NAT16: variants seen among roughly 807,000 people sequenced by gnomAD.
The protein encoded by NAT16 is N-acetyltransferase 16 (putative).
NAT16 carries 16 observed loss-of-function variants against 15.9 expected under a neutral mutation model. That is an observed-to-expected ratio of 1.01 (90% CI 0.68 to 1.53). The LOEUF is 1.53. Among genes scored for constraint, NAT16 ranks in the 40% most tolerant of loss-of-function variants. The pLI, the probability that NAT16 is intolerant of heterozygous loss-of-function variation, is 0.00. For missense variants in NAT16, 572 were observed against 508.4 expected, an observed-to-expected ratio of 1.13 and a Z score of -1.20; for synonymous variants, 260 against 241.9, an observed-to-expected ratio of 1.07 and a Z score of -0.69.
Position 101,171,885 on chromosome 7 carries a change from T to C in NAT16, c.*194A>G. The stretch of plus-strand genomic sequence containing the variant: ...CAGGTCAGGGAGTGGGCAATGGTGT[T>C]TGGGGGAGCTAGAGGCAAGATAGTA... On this transcript the variant is annotated 3_prime_UTR_variant, in exon 4 of 4. Coordinates refer to ENST00000300303, the MANE Select transcript of NAT16 (RefSeq NM_198571.3). 2 of 563,464 alleles carry C rather than the reference T, an allele frequency of 3.5e-6. No homozygotes were observed. Among genetic ancestry groups the C allele is most frequent in the South Asian group, 2.1e-5 (1 of 47,350 alleles). 34.9% of individuals were successfully genotyped at this position (563,464 alleles called of 1,614,324 possible).
Position 101,172,649 on chromosome 7 carries a change from G to A in NAT16, c.540C>T (p.Gly180=), listed in dbSNP as rs974759315. 2 of 1,506,158 alleles carry A rather than the reference G, an allele frequency of 1.3e-6. No individual in the cohort carries two copies. The highest frequency in any genetic ancestry group is 1.8e-6 in the Non-Finnish European group (2 of 1,137,314). The allele number at this position is 1,506,158 out of a possible 1,614,324, so 93.3% of individuals were successfully genotyped here. Residue 180 remains glycine, a splice_region_variant and synonymous_variant, in exon 4 of 4, where the codon GGC becomes GGT. Coordinates refer to ENST00000300303, the MANE Select transcript of NAT16 (RefSeq NM_198571.3). This position sits in a 1 kb window ranked among gnomAD's most constrained non-coding sequence, Gnocchi z 4.2. ...LKKYRLITKQ[G]ILLVRFNASA... ...ACGCGTTGAATCGGACCAAAAGGAT[G>A]CCCTGCGGGGGGCACGAGTGAGCGC...
chr7:101,175,728 G>C (rs1456604554), intron 1 of NAT16, among the ~76,000 whole-genome samples: 1 of 152,042 alleles, frequency 6.6e-6, no homozygotes, highest in Non-Finnish European at 1.5e-5. Context: ...TGGAGTTTAA[G>C]AACAGCCTGG....
chr7:101,176,276 C>A (rs1490707123), intron 1 of NAT16, among the ~76,000 whole-genome samples: 1 of 152,162 alleles, frequency 6.6e-6, no homozygotes, highest in Non-Finnish European at 1.5e-5. Context: ...GGGTAGATCA[C>A]CTGAGGTCAG....
Position 101,173,224 on chromosome 7 carries a change from TG to T in NAT16, c.537+71del, listed in dbSNP as rs1797376263. 3.0e-6 allele frequency: 4 copies of T among 1,350,346 alleles called. No homozygotes were observed. In the South Asian group the frequency reaches 3.6e-5, roughly 12 times the overall value. The allele number at this position is 1,350,346 out of a possible 1,614,324, so 83.6% of individuals were successfully genotyped here. On this transcript the variant is annotated intron_variant, in intron 3 of 3. Transcript: ENST00000300303. ...GAGAGAGAGCAAGCCCGTGTTCTGC[TG>T]GGGGTGGGGAGGGTCTCCCCATATG...
intron 2 of NAT16, chr7:101,173,740 T>C: frequency 1.8e-6 from 1 of 540,786 alleles, no homozygotes; most frequent in Non-Finnish European, 3.2e-6. Flanking sequence ...TTATTTATTT[T>C]AAATTTAGGA....
chr7:101,172,524 T>G lies in NAT16; in HGVS notation c.665A>C (p.Asp222Ala), dbSNP rs1797349917. ...PTEAVSEAGG[D>A]VARLLLSPSV... is the part of the protein sequence containing the mutation. ...GGGTGACAGCAGGAGGCGTGCCACG[T>G]CGCCGCCTGCCTCGGACACGGCCTC... Residue 222 changes from aspartate (D) to alanine (A), a missense_variant, in exon 4 of 4, where the codon GAC (aspartate) becomes GCC (alanine). Asp to Ala is a moderately radical substitution (Grantham distance 126). Transcript: ENST00000300303. The surrounding 1 kb of genome is among the most constrained non-coding windows in gnomAD (Gnocchi z 4.2). 1.9e-6 allele frequency: 3 copies of G among 1,576,924 alleles called. No individual in the cohort carries two copies. The highest frequency in any genetic ancestry group is 1.4e-5 in the African/African-American group (1 of 73,050).
At position 101,172,683 on chromosome 7, in the gene NAT16, G is replaced by C. The variant is rs1379937960; in HGVS notation, c.538-32C>G. 12 of 1,440,094 alleles carry C rather than the reference G, an allele frequency of 8.3e-6. No homozygotes were observed. The highest frequency in any genetic ancestry group is 1.4e-5 in the South Asian group (1 of 71,200). 89.2% of individuals were successfully genotyped at this position (1,440,094 alleles called of 1,614,324 possible). On this transcript the variant is annotated intron_variant, in intron 3 of 3. Coordinates refer to ENST00000300303, the MANE Select transcript of NAT16 (RefSeq NM_198571.3). This position sits in a 1 kb window ranked among gnomAD's most constrained non-coding sequence, Gnocchi z 4.2. ...GGGGCACGAGTGAGCGCGGGGAGGG[G>C]GGGCGCAGCAGGGCTGGCGAGCCCG...
At position 101,174,776 on chromosome 7, in the gene NAT16, G is replaced by T. The variant is rs141768939; in HGVS notation, c.32C>A (p.Thr11Asn). Reference protein sequence around the residue: MKLEASCGTATSEVPKPEKKT... With the variant: MKLEASCGTANSEVPKPEKKT... ...CTTTTCCGGCTTAGGGACCTCTGAG[G>T]TGGCTGTGCCACAGCTGGCTTCCAG... The change falls in exon 2 of 4, where the codon ACC (threonine) becomes AAC (asparagine). Residue 11 changes from threonine (T) to asparagine (N), a missense_variant. Physicochemically the swap from Thr to Asn is moderately conservative, Grantham distance 65. Coordinates refer to ENST00000300303, the MANE Select transcript of NAT16 (RefSeq NM_198571.3). 32 of 1,587,208 alleles carry T rather than the reference G, an allele frequency of 2.0e-5. No individual in the cohort carries two copies. The African/African-American group carries it at 4.2e-4, about 21-fold the overall frequency.
Position 101,172,102 on chromosome 7 carries a change from A to G in NAT16, c.1087T>C (p.Tyr363His). The change falls in exon 4 of 4, where the codon TAC becomes CAC. Residue 363 changes from tyrosine (Y) to histidine (H), a missense_variant. Coordinates refer to ENST00000300303, the MANE Select transcript of NAT16 (RefSeq NM_198571.3). This position sits in a 1 kb window ranked among gnomAD's most constrained non-coding sequence, Gnocchi z 4.2. ...CCTCAGATGTCGGCCTCCAGCAGGT[A>G]CTGTTCAGTATAACCCTTCACCAGC... is the stretch of plus-strand genomic sequence containing the variant. ...LELVKGYTEQYLLEADI is the reference protein window; with the variant it reads ...LELVKGYTEQHLLEADI 1 of 1,613,324 alleles carries G rather than the reference A, an allele frequency of 6.2e-7. No individual in the cohort carries two copies. The highest frequency in any genetic ancestry group is 8.5e-7 in the Non-Finnish European group (1 of 1,179,460).
intron 2 of NAT16, chr7:101,174,263 CA>C: frequency 1.8e-6 from 1 of 551,562 alleles, no homozygotes; most frequent in South Asian, 2.9e-5. Context: ...CTCGAACTTT[CA>C]AACGCTCACC....
chr7:101,174,971 T>C (rs1203568288), intron 1 of NAT16, among the ~76,000 whole-genome samples, 160 bp from the exon 2 acceptor site: 1 of 152,244 alleles, frequency 6.6e-6, no homozygotes, highest in African/African-American at 2.4e-5. Flanking sequence ...TATTTATTTT[T>C]TGAGACGGAG....
Position 101,172,466 on chromosome 7 carries a change from G to A in NAT16, c.723C>T (p.Thr241=), listed in dbSNP as rs1465374745. ...GGTAGGGCTGCCAGTCCTGGATGAT[G>A]GTCCCGCCTGGAAGCACGTCGCGCT... is the stretch of plus-strand genomic sequence containing the variant. The part of the protein sequence containing the change: ...SVQRDVLPGG[T]IIQDWQPYRP... The change falls in exon 4 of 4, where the codon ACC becomes ACT. Residue 241 remains threonine (T), a synonymous_variant. Transcript: ENST00000300303. This position sits in a 1 kb window ranked among gnomAD's most constrained non-coding sequence, Gnocchi z 4.2. 3.1e-6 allele frequency: 5 copies of A among 1,600,496 alleles called. No homozygotes were observed. Among genetic ancestry groups the A allele is most frequent in the South Asian group, 1.1e-5 (1 of 90,040 alleles).
At chr7:101,174,203 C>A (rs740106) in intron 2 of NAT16, 1 of 503,644 alleles carries the variant, frequency 2.0e-6, no homozygotes, top group African/African-American at 2.0e-5. Flanking sequence ...CCTCTCTCTC[C>A]TGCTCCCCAC....
chr7:101,173,251 C>T lies in NAT16; in HGVS notation c.537+45G>A, dbSNP rs774672987. ...GGGGTGGGGAGGGTCTCCCCATATGCCCCAGCAGAGAGGCCCAGCCATCCG... is the reference window on the plus strand; with the variant it reads ...GGGGTGGGGAGGGTCTCCCCATATGTCCCAGCAGAGAGGCCCAGCCATCCG... On this transcript the variant is annotated intron_variant, in intron 3 of 3. Transcript: ENST00000300303. 3.2e-6 allele frequency: 5 copies of T among 1,541,086 alleles called. No individual in the cohort carries two copies. In the South Asian group the frequency reaches 4.5e-5, roughly 14 times the overall value.
chr7:101,172,395 T>C lies in NAT16; in HGVS notation c.794A>G (p.Glu265Gly). 2 of 1,574,076 alleles carry C rather than the reference T, an allele frequency of 1.3e-6. No individual in the cohort carries two copies. Among genetic ancestry groups the C allele is most frequent in the Non-Finnish European group, 8.6e-7 (1 of 1,162,636 alleles). The stretch of plus-strand genomic sequence containing the variant: ...GCGCGCGCGGCTGTCCACGCGCCAC[T>C]CCAGGCCCTTGGCCGCCAGCAGGCG... ...NLRLLAAKGLEWRVDSRARPR... is the reference protein window; with the variant it reads ...NLRLLAAKGLGWRVDSRARPR... The change falls in exon 4 of 4, where the codon GAG becomes GGG. Residue 265 changes from glutamate (E) to glycine (G), a missense_variant. Glu to Gly is a moderately conservative substitution (Grantham distance 98). Transcript: ENST00000300303. This position sits in a 1 kb window ranked among gnomAD's most constrained non-coding sequence, Gnocchi z 4.2.
Position 101,172,798 on chromosome 7 carries a change from G to A in NAT16, c.538-147C>T. The A allele has an allele frequency of 1.5e-6, 1 of 648,930 alleles. No individual in the cohort carries two copies. Among genetic ancestry groups the A allele is most frequent in the Non-Finnish European group, 2.5e-6 (1 of 400,618 alleles). The allele number at this position is 648,930 out of a possible 1,614,324, so 40.2% of individuals were successfully genotyped here. On this transcript the variant is annotated intron_variant, in intron 3 of 3. Coordinates refer to ENST00000300303, the MANE Select transcript of NAT16 (RefSeq NM_198571.3). This position sits in a 1 kb window ranked among gnomAD's most constrained non-coding sequence, Gnocchi z 4.2. ...GGAGGAGCGACCGTGAGGGCTCCGG[G>A]CCGAGTGGGGTATGGGAAAGCCTGG... is the stretch of plus-strand genomic sequence containing the variant.
Position 101,174,607 on chromosome 7 carries a change from C to T in NAT16, c.201G>A (p.Leu67=), listed in dbSNP as rs548669113. The change falls in exon 2 of 4, where the codon CTG becomes CTA. Residue 67 remains leucine, a synonymous_variant. Coordinates refer to ENST00000300303, the MANE Select transcript of NAT16 (RefSeq NM_198571.3). ...CGCCGTAGATGCCCCCCGAGATGGC[C>T]AGCACTTCCTCAAACTCCCGTTCCG... is the stretch of plus-strand genomic sequence containing the variant. The part of the protein sequence containing the change: ...VATEREFEEV[L]AISGGIYGGL... 5 of 1,614,224 alleles carry T rather than the reference C, an allele frequency of 3.1e-6. No homozygotes were observed. The African/African-American group carries it at 5.3e-5, about 17-fold the overall frequency.
intron 1 of NAT16, chr7:101,179,110 G>T (rs1431379649): frequency 2.3e-5 from 3 of 133,224 alleles, no homozygotes; most frequent in East Asian, 5.1e-4. Flanking sequence ...AAATATCGAT[G>T]CCCTTGAGGC....
In NAT16 at chr7:101,172,369, GGC is replaced by G. The variant is rs748849567; in HGVS notation, c.818_819del (p.Arg273ProfsTer31). 2 of 1,573,814 alleles carry G rather than the reference GGC, an allele frequency of 1.3e-6. No individual in the cohort carries two copies. Among genetic ancestry groups the G allele is most frequent in the East Asian group, 4.7e-5 (2 of 42,338 alleles). On this transcript the variant is annotated frameshift_variant, in exon 4 of 4. Transcript: ENST00000300303. LOFTEE classifies it low-confidence loss of function (END_TRUNC). The surrounding 1 kb of genome is among the most constrained non-coding windows in gnomAD (Gnocchi z 4.2). ...GLEWRVDSRA[R>X]PRVLTLCTRP... ...CGCGTGCACAGCGTGAGCACGCGCG[GGC>G]GCGCGCGGCTGTCCACGCGCCACTC...
Sources: gnomAD v4.1 joint callset for allele counts (sites outside exome capture counted in the v4.1 genomes callset) on GRCh38, gnomAD v4.1.1 for gene constraint, Gnocchi (gnomAD v3.1) non-coding constraint, MANE v1.5 for transcripts, NCBI Gene and HGNC (gene_info 2026-07-23, HGNC 2026-07-21) for gene names.